SNX24: variants seen among roughly 807,000 people sequenced by gnomAD.
SNX24 encodes sorting nexin 24.
Under a neutral mutation model 28.7 loss-of-function variants are expected in SNX24, and 22 were observed. The ratio of observed to expected loss-of-function variants is 0.77; its 90% confidence interval spans 0.55 to 1.10. The LOEUF (loss-of-function observed/expected upper bound fraction) is 1.10. Among genes scored for constraint, SNX24 ranks in the 50% least tolerant of loss-of-function variants. SNX24 has a pLI of 0.00. For missense variants in SNX24, 221 were observed against 201.1 expected, an observed-to-expected ratio of 1.10 and a Z score of -0.60; for synonymous variants, 69 against 71.5, an observed-to-expected ratio of 0.96 and a Z score of 0.18.
At position 122,859,659 on chromosome 5, in the gene SNX24, G is replaced by A. The variant is rs554693586; in HGVS notation, c.60+13966G>A. ...GAGTTGAACTCTGTAAAATATTTGA[G>A]GATATTTATTCTGAACCAAATATGA... On this transcript the variant is annotated intron_variant, in intron 1 of 6. Transcript: ENST00000261369. Among the ~76,000 whole-genome samples the A allele has an allele frequency of 5.9e-5, 9 of 152,192 alleles. No homozygotes were observed. The East Asian group carries it at 1.7e-3, about 29-fold the overall frequency.
intron 2 of SNX24, among the ~76,000 whole-genome samples, chr5:122,944,596 G>A (rs1280655241): frequency 1.3e-5 from 2 of 152,158 alleles, no homozygotes; most frequent in African/African-American, 4.8e-5. Context: ...TTCATAAAAT[G>A]TCTGGTGCTG....
At chr5:123,007,593 G>C (rs1351406358) in intron 6 of SNX24, 89 bp from the exon 7 acceptor site, 3 of 1,179,666 alleles carry the variant, frequency 2.5e-6, no homozygotes, top group Non-Finnish European at 3.6e-6. Context: ...GCATTGCCTT[G>C]TTCCATTCTA....
intron 3 of SNX24, among the ~76,000 whole-genome samples, chr5:122,977,909 G>T (rs553782174): frequency 2.0e-5 from 3 of 152,206 alleles, no homozygotes; most frequent in Non-Finnish European, 2.9e-5. Context: ...TCATAATGGA[G>T]AACTTTGGGG....
intron 5 of SNX24, among the ~76,000 whole-genome samples, chr5:123,018,508 G>A (rs1470448949): frequency 6.6e-6 from 1 of 152,262 alleles, no homozygotes; most frequent in East Asian, 1.9e-4. Flanking sequence ...GGCCCACCAT[G>A]CTCCAGGAAG....
chr5:122,900,382 A>T (rs918262033), intron 1 of SNX24, among the ~76,000 whole-genome samples: 2 of 152,214 alleles, frequency 1.3e-5, no homozygotes, highest in African/African-American at 4.8e-5. Context: ...TTTTAAAAAA[A>T]TGAAGAACAG....
chr5:122,956,180 A>G (rs1760200790), intron 3 of SNX24, among the ~76,000 whole-genome samples: 1 of 151,716 alleles, frequency 6.6e-6, no homozygotes, highest in Admixed American at 6.6e-5. Flanking sequence ...ATCTTAGTTT[A>G]TTTTCTGCAG....
chr5:122,868,875 G>A (rs1755846671), intron 1 of SNX24, among the ~76,000 whole-genome samples: 1 of 152,210 alleles, frequency 6.6e-6, no homozygotes. Flanking sequence ...CAATGGCTCA[G>A]TCAAGTAGAC....
intron 5 of SNX24, among the ~76,000 whole-genome samples, chr5:123,014,263 A>G (rs1342108826): frequency 1.3e-5 from 2 of 151,594 alleles, no homozygotes; most frequent in Non-Finnish European, 2.9e-5. Context: ...ACCTCCTGGA[A>G]ACAAGCAATC....
chr5:122,989,364 A>C (rs2150164110), intron 3 of SNX24, among the ~76,000 whole-genome samples: 1 of 152,254 alleles, frequency 6.6e-6, no homozygotes, highest in South Asian at 2.1e-4. Flanking sequence ...CCCATATTCT[A>C]GCCAAGAGGA....
chr5:122,900,108 C>A (rs1412773001), intron 1 of SNX24, among the ~76,000 whole-genome samples: 2 of 151,924 alleles, frequency 1.3e-5, no homozygotes, highest in African/African-American at 4.8e-5. Context: ...CTGCCTTGAA[C>A]TCTCAGGCTC....
Position 122,919,803 on chromosome 5 carries a change from G to A in SNX24, c.61-16931G>A, listed in dbSNP as rs1456268117. Among the ~76,000 whole-genome samples the A allele has an allele frequency of 2.0e-5, 3 of 152,248 alleles. No individual in the cohort carries two copies. In the East Asian group the frequency reaches 5.8e-4, roughly 29 times the overall value. On this transcript the variant is annotated intron_variant, in intron 1 of 6. Coordinates refer to ENST00000261369, the MANE Select transcript of SNX24 (RefSeq NM_014035.4). The stretch of plus-strand genomic sequence containing the variant: ...TACACTAGCTCCCCTCCCAAACCAG[G>A]TGCTGGCTACACGGTTCACATGCAT...
intron 1 of SNX24, among the ~76,000 whole-genome samples, chr5:122,868,942 A>G (rs1755852090): frequency 6.6e-6 from 1 of 152,192 alleles, no homozygotes; most frequent in African/African-American, 2.4e-5. Context: ...TTCCTTCATA[A>G]ACATCGTAGT....
At chr5:123,005,602 C>A (rs1191988236) in intron 6 of SNX24, among the ~76,000 whole-genome samples, 1 of 152,150 alleles carries the variant, frequency 6.6e-6, no homozygotes, top group Non-Finnish European at 1.5e-5. Flanking sequence ...AATATACTTA[C>A]AATGTAATTT....
At position 123,008,811 on chromosome 5, in the gene SNX24, T is replaced by C. The variant is rs1762498832; in HGVS notation, c.*1062T>C. 1.1e-6 allele frequency: 1 copy of C among 924,048 alleles called. No individual in the cohort carries two copies. The highest frequency in any genetic ancestry group is 1.8e-5 in the African/African-American group (1 of 55,856). The allele number at this position is 924,048 out of a possible 1,614,324, so 57.2% of individuals were successfully genotyped here. On this transcript the variant is annotated 3_prime_UTR_variant, in exon 7 of 7. Coordinates refer to ENST00000261369, the MANE Select transcript of SNX24 (RefSeq NM_014035.4). ...TAATGTAAGTTAAATGTGTTTATGA[T>C]ATAACTCCACTGTACATCATCCTTT...
intron 3 of SNX24, among the ~76,000 whole-genome samples, chr5:122,956,400 A>T (rs1760218977): frequency 6.9e-6 from 1 of 144,698 alleles, no homozygotes. Flanking sequence ...ACACACACAC[A>T]CACACATACA....
chr5:122,921,151 CTT>C (rs200873407), intron 1 of SNX24, among the ~76,000 whole-genome samples: 1 of 145,658 alleles, frequency 6.9e-6, no homozygotes, highest in Non-Finnish European at 1.5e-5. Context: ...CTGTAGCCTG[CTT>C]TTTTTTTTTA....
intron 6 of SNX24, among the ~76,000 whole-genome samples, chr5:123,003,844 T>G (rs1413481037): frequency 1.3e-5 from 2 of 152,190 alleles, no homozygotes; most frequent in Non-Finnish European, 2.9e-5. Flanking sequence ...TGTTTGAGAA[T>G]AAATGGATCA....
At chr5:123,023,373 G>C (rs1011555424) in intron 5 of SNX24, 1 of 152,058 alleles carries the variant, frequency 6.6e-6, no homozygotes, top group Non-Finnish European at 1.5e-5. Context: ...AAAAAGTCTT[G>C]CAAAAAGAGT....
intron 5 of SNX24, among the ~76,000 whole-genome samples, chr5:123,017,860 A>C (rs1762706066): frequency 6.6e-6 from 1 of 152,134 alleles, no homozygotes; most frequent in Non-Finnish European, 1.5e-5. Flanking sequence ...GAGTCCATTA[A>C]ACATCTTTCT....
Sources: allele counts gnomAD v4.1 joint callset (sites outside exome capture counted in the v4.1 genomes callset), GRCh38; gene constraint gnomAD v4.1.1; transcripts MANE v1.5; gene names NCBI Gene and HGNC (gene_info 2026-07-23, HGNC 2026-07-21).